The following ARHGAP42 variants were observed in gnomAD, a reference collection of about 807,000 sequenced individuals.
ARHGAP42 encodes the protein rho GTPase-activating protein 42.
ARHGAP42 carries 63 observed loss-of-function variants against 125.0 expected under a neutral mutation model. The observed-to-expected ratio is 0.50, with a 90% CI of 0.41 to 0.62. The LOEUF is 0.62. Ranked by LOEUF, ARHGAP42 falls within the 20% of genes least tolerant of loss-of-function variation. ARHGAP42 has a pLI of 0.00. For synonymous variants in ARHGAP42, 339 were observed against 351.0 expected (o/e 0.97, Z 0.38); for missense variants, 766 against 1,024.2 (o/e 0.75, Z 3.44).
chr11:100,733,593 G>C (rs1010430124), intron 1 of ARHGAP42, among the ~76,000 whole-genome samples: 1 of 152,026 alleles, frequency 6.6e-6, no homozygotes, highest in Non-Finnish European at 1.5e-5. Flanking sequence ...GGCGGCCGAG[G>C]CGGGCAGATC....
In ARHGAP42 at chr11:100,974,581, T is replaced by G; in HGVS notation, c.1833T>G (p.Thr611=). Residue 611 remains threonine (T), a synonymous_variant, in exon 19 of 24, where the codon ACT becomes ACG. Coordinates refer to ENST00000298815, the MANE Select transcript of ARHGAP42 (RefSeq NM_152432.4). Reference sequence around the variant, plus strand: ...CTAGGAAGCCCAGAGGGAGGTATACTCCATGCCTGGCCGAACCTGATAGTA... The same window carrying G: ...CTAGGAAGCCCAGAGGGAGGTATACGCCATGCCTGGCCGAACCTGATAGTA... The part of the protein sequence containing the change: ...TGSRKPRGRY[T]PCLAEPDSDS... 1 of 1,550,618 alleles carries G rather than the reference T, an allele frequency of 6.4e-7. No individual in the cohort carries two copies. The highest frequency in any genetic ancestry group is 8.7e-7 in the Non-Finnish European group (1 of 1,146,358).
At chr11:100,941,982 G>A in intron 9 of ARHGAP42, 98 bp downstream of exon 9, 1 of 910,094 alleles carries the variant, frequency 1.1e-6, no homozygotes, top group Non-Finnish European at 1.6e-6. Flanking sequence ...TAGTTAACAT[G>A]TACACATTTA....
chr11:100,838,986 T>C (rs746811801), intron 3 of ARHGAP42, among the ~76,000 whole-genome samples: 1 of 152,158 alleles, frequency 6.6e-6, no homozygotes, highest in Non-Finnish European at 1.5e-5. Flanking sequence ...ATAACTTTTT[T>C]TTTTTAGGAC....
At chr11:100,873,544 G>A (rs1865745249) in intron 4 of ARHGAP42, among the ~76,000 whole-genome samples, 1 of 152,170 alleles carries the variant, frequency 6.6e-6, no homozygotes, top group South Asian at 2.1e-4. Context: ...GAGAAATGAG[G>A]CATGAAATAG....
At chr11:100,979,999 C>T (rs55952345) in intron 22 of ARHGAP42, among the ~76,000 whole-genome samples, 16,213 of 152,106 alleles carry the variant, frequency 0.11, 1,064 homozygotes, top group Non-Finnish European at 0.13. Context: ...CTAGACAGTA[C>T]TGGGCATGTG....
At chr11:100,694,995 C>T (rs906385918) in intron 1 of ARHGAP42, among the ~76,000 whole-genome samples, 5 of 152,344 alleles carry the variant, frequency 3.3e-5, no homozygotes, top group Admixed American at 2.0e-4. Flanking sequence ...CGCGCCATTG[C>T]GCTCCAGCCT....
chr11:100,750,373 T>C (rs1003380149), intron 1 of ARHGAP42, among the ~76,000 whole-genome samples: 5 of 150,262 alleles, frequency 3.3e-5, no homozygotes, highest in Admixed American at 1.3e-4. Flanking sequence ...CTAATTACGA[T>C]TGGCTAATTT....
chr11:100,708,864 G>A (rs1467136116), intron 1 of ARHGAP42, among the ~76,000 whole-genome samples: 1 of 152,004 alleles, frequency 6.6e-6, no homozygotes, highest in Non-Finnish European at 1.5e-5. Context: ...CTATAATAAA[G>A]TTTAATTTAT....
intron 1 of ARHGAP42, among the ~76,000 whole-genome samples, chr11:100,714,671 G>A (rs1456958752): frequency 1.3e-5 from 2 of 152,114 alleles, no homozygotes; most frequent in African/African-American, 4.8e-5. Flanking sequence ...AGGCTTTTCA[G>A]ATTCTTTTTG....
chr11:100,687,635 C>T lies in ARHGAP42; in HGVS notation c.-44C>T. On this transcript the variant is annotated 5_prime_UTR_variant, in exon 1 of 24. Coordinates refer to ENST00000298815, the MANE Select transcript of ARHGAP42 (RefSeq NM_152432.4). ...CCGCCGGCTGCCCCCGCCCTGACCT[C>T]CGGCCCGGACGTGTCCGCGGCCGCC... is the stretch of plus-strand genomic sequence containing the variant. 1 of 1,326,414 alleles carries T rather than the reference C, an allele frequency of 7.5e-7. No individual in the cohort carries two copies. The highest frequency in any genetic ancestry group is 9.7e-7 in the Non-Finnish European group (1 of 1,027,486). The allele number at this position is 1,326,414 out of a possible 1,614,324, so 82.2% of individuals were successfully genotyped here. A position where few individuals can be genotyped will look rare whatever the true frequency, so the allele number is the denominator to read the frequency against.
chr11:100,935,008 A>G (rs1867693423), intron 7 of ARHGAP42, among the ~76,000 whole-genome samples: 1 of 152,150 alleles, frequency 6.6e-6, no homozygotes. Flanking sequence ...ATTAAATAAA[A>G]TTACATTAAG....
intron 4 of ARHGAP42, among the ~76,000 whole-genome samples, chr11:100,910,848 G>A (rs1203529984): frequency 1.3e-5 from 2 of 151,924 alleles, no homozygotes; most frequent in Admixed American, 6.6e-5. Context: ...TGGAACCCTT[G>A]AGATCTTTTT....
intron 1 of ARHGAP42, among the ~76,000 whole-genome samples, chr11:100,745,913 G>A (rs111581879): frequency 1.8e-3 from 273 of 152,178 alleles, no homozygotes; most frequent in African/African-American, 5.7e-3. Context: ...ATTTGATTTC[G>A]GGCTTTAAAT....
chr11:100,970,523 T>C (rs1270516870), intron 17 of ARHGAP42, among the ~76,000 whole-genome samples: 1 of 152,114 alleles, frequency 6.6e-6, no homozygotes, highest in Non-Finnish European at 1.5e-5. Context: ...GATTGCTCTG[T>C]TGTTTTTGAC....
At chr11:100,705,013 C>CAACAAAAAAAAAAAAAAAAAAAAA (rs1461113451) in intron 1 of ARHGAP42, among the ~76,000 whole-genome samples, 1 of 54,778 alleles carries the variant, frequency 1.8e-5, no homozygotes, top group African/African-American at 7.8e-5. Flanking sequence ...ACAACAACAA[C>CAACAAAAAAAAAAAAAAAAAAAAA]AAAAAAAAAA....
intron 5 of ARHGAP42, among the ~76,000 whole-genome samples, chr11:100,920,716 C>T (rs1036494600): frequency 1.3e-5 from 2 of 152,160 alleles, no homozygotes; most frequent in African/African-American, 4.8e-5. Context: ...GTAATACTCT[C>T]TCATACTTTG....
intron 3 of ARHGAP42, among the ~76,000 whole-genome samples, chr11:100,846,041 A>G (rs192011001): frequency 1.3e-5 from 2 of 152,300 alleles, no homozygotes; most frequent in African/African-American, 2.4e-5. Flanking sequence ...TGCTTCTTCA[A>G]GATTCATTTC....
chr11:100,704,059 A>G (rs1001157410), intron 1 of ARHGAP42, among the ~76,000 whole-genome samples: 3 of 152,122 alleles, frequency 2.0e-5, no homozygotes, highest in Non-Finnish European at 4.4e-5. Context: ...GAGTGTGTTA[A>G]TTAGAGACAA....
In ARHGAP42 at chr11:100,899,676, TTTGTTTG is replaced by T. The variant is rs1565265794; in HGVS notation, c.385-13773_385-13767del. On this transcript the variant is annotated intron_variant, in intron 4 of 23. Coordinates refer to ENST00000298815, the MANE Select transcript of ARHGAP42 (RefSeq NM_152432.4). ...CTAGGATTGTAGTCCCTGCTTTTTGTTTGTTTGTTTGTTTGTTTTGTTTTTTTTGTTT... is the reference window on the plus strand; with the variant it reads ...CTAGGATTGTAGTCCCTGCTTTTTGTTTTGTTTGTTTTGTTTTTTTTGTTT... 1.2e-4 allele frequency among the ~76,000 whole-genome samples: 17 copies of T among 143,974 alleles called. No individual in the cohort carries two copies. In the East Asian group the frequency reaches 2.8e-3, roughly 24 times the overall value. 94.5% of individuals were successfully genotyped at this position (143,974 alleles called of 152,430 possible).
Sources: gnomAD v4.1 joint callset for allele counts (sites outside exome capture counted in the v4.1 genomes callset) on GRCh38, gnomAD v4.1.1 for gene constraint, MANE v1.5 for transcripts, NCBI Gene and HGNC (gene_info 2026-07-23, HGNC 2026-07-21) for gene names.